The following CSMD1 variants were observed in gnomAD, a reference collection of about 807,000 sequenced individuals.
The protein encoded by CSMD1 is CUB and sushi domain-containing protein 1.
In CSMD1, 213 loss-of-function variants were observed where a neutral mutation model predicts 417.5. That is an observed-to-expected ratio of 0.51 (90% CI 0.46 to 0.57). The LOEUF (loss-of-function observed/expected upper bound fraction) is 0.57, where lower values mean the gene tolerates loss of function less well. CSMD1 is among the 20% of genes least tolerant of loss of function. CSMD1 has a pLI of 0.00. For missense variants in CSMD1, 6,923 were observed against 4,529.7 expected, an observed-to-expected ratio of 1.53 and a Z score of -15.17; for synonymous variants, 2,862 against 1,736.8, an observed-to-expected ratio of 1.65 and a Z score of -16.11.
chr8:4,371,912 G>T (rs1200726508), intron 3 of CSMD1, among the ~76,000 whole-genome samples: 2 of 152,190 alleles, frequency 1.3e-5, no homozygotes, highest in East Asian at 3.9e-4. Context: ...GGGAAGTGTG[G>T]ATTTCACAAG....
intron 2 of CSMD1, among the ~76,000 whole-genome samples, chr8:4,431,703 C>T (rs1338466769): frequency 6.6e-6 from 1 of 152,102 alleles, no homozygotes; most frequent in East Asian, 1.9e-4. Flanking sequence ...TAAATCCTGA[C>T]AGCAGAATTA....
intron 25 of CSMD1, among the ~76,000 whole-genome samples, chr8:3,303,977 T>C (rs975559141): frequency 2.6e-5 from 4 of 151,298 alleles, no homozygotes; most frequent in African/African-American, 9.7e-5. Flanking sequence ...GGGTATTCGA[T>C]TACCTCAAAC....
intron 3 of CSMD1, among the ~76,000 whole-genome samples, chr8:4,245,530 C>G (rs1368295867): frequency 1.3e-5 from 2 of 152,134 alleles, no homozygotes; most frequent in African/African-American, 2.4e-5. Context: ...CATGGTCTCT[C>G]CATGCTGGGA....
intron 5 of CSMD1, among the ~76,000 whole-genome samples, chr8:3,804,335 C>A (rs1248413355): frequency 3.9e-5 from 6 of 152,110 alleles, no homozygotes; most frequent in East Asian, 1.9e-4. Context: ...AACTCTAATG[C>A]GTCTTAAAAG....
chr8:4,675,913 G>C (rs1294960582), intron 1 of CSMD1, among the ~76,000 whole-genome samples: 2 of 152,138 alleles, frequency 1.3e-5, no homozygotes. Flanking sequence ...TAGAAAAAGA[G>C]AAAAATAAAC....
chr8:3,184,646 G>C (rs955999986), intron 36 of CSMD1, among the ~76,000 whole-genome samples: 1 of 152,152 alleles, frequency 6.6e-6, no homozygotes, highest in Non-Finnish European at 1.5e-5. Context: ...ATGGGCATAC[G>C]ACGTGTCTTT....
rs769736326 is a variant in CSMD1, at chr8:3,284,370, C to T, written c.3951-24G>A. On this transcript the variant is annotated intron_variant, in intron 25 of 69. Transcript: ENST00000635120. ...GGCTGCAAGAGAGAACACAGTAGCG[C>T]TACTTGCCGTGCATCGAGCATGTCC... 7 of 1,580,634 alleles carry T rather than the reference C, an allele frequency of 4.4e-6. No homozygotes were observed. The Admixed American group carries it at 8.4e-5, about 19-fold the overall frequency.
chr8:3,200,673 G>C (rs918059009), intron 32 of CSMD1, among the ~76,000 whole-genome samples: 1 of 151,952 alleles, frequency 6.6e-6, no homozygotes, highest in African/African-American at 2.4e-5. Context: ...ATTGGCATAA[G>C]GTTTTCAGAG....
intron 10 of CSMD1, among the ~76,000 whole-genome samples, chr8:3,563,167 G>C (rs1416546520): frequency 1.3e-5 from 2 of 151,952 alleles, no homozygotes; most frequent in Non-Finnish European, 2.9e-5. Context: ...ATTTGGCACT[G>C]TGTGACTACG....
chr8:4,136,677 G>C (rs1040408099), intron 3 of CSMD1, among the ~76,000 whole-genome samples: 2 of 152,160 alleles, frequency 1.3e-5, no homozygotes, highest in Non-Finnish European at 2.9e-5. Flanking sequence ...TCTCACAAGT[G>C]TGCTGTGAGT....
At chr8:3,258,088 C>G (rs573122019) in intron 26 of CSMD1, among the ~76,000 whole-genome samples, 1 of 151,880 alleles carries the variant, frequency 6.6e-6, no homozygotes, top group Non-Finnish European at 1.5e-5. Context: ...ATAGGTATGT[C>G]CAATAAGGTT....
intron 1 of CSMD1, among the ~76,000 whole-genome samples, chr8:4,739,519 CAAT>C (rs1810461492): frequency 6.6e-6 from 1 of 152,136 alleles, no homozygotes; most frequent in Non-Finnish European, 1.5e-5. Flanking sequence ...TGCTGTGACT[CAAT>C]GATAATAACT....
At chr8:4,818,797 T>A (rs926503334) in intron 1 of CSMD1, among the ~76,000 whole-genome samples, 2 of 152,232 alleles carry the variant, frequency 1.3e-5, no homozygotes, top group African/African-American at 4.8e-5. Flanking sequence ...AACAAAAGTA[T>A]TTTCATTTCA....
intron 5 of CSMD1, among the ~76,000 whole-genome samples, chr8:3,842,137 T>G (rs1200827836): frequency 6.6e-6 from 1 of 152,332 alleles, no homozygotes; most frequent in East Asian, 1.9e-4. Flanking sequence ...CGATCTCTTC[T>G]CCTTGTCAAA....
At chr8:4,319,563 T>C (rs951328145) in intron 3 of CSMD1, among the ~76,000 whole-genome samples, 1 of 152,098 alleles carries the variant, frequency 6.6e-6, no homozygotes, top group African/African-American at 2.4e-5. Flanking sequence ...GAAACATTAA[T>C]TGTTGGCTGT....
rs192388735 is a variant in CSMD1 at position 3,099,088 on chromosome 8, C to T, written c.6950-2051G>A. On this transcript the variant is annotated intron_variant, in intron 46 of 69. Transcript: ENST00000635120. ...AATGCCCTGCAACTCTTCTCCGTGC[C>T]GTTCACCCTTCCCCCAAGCCTCTTT... 5.2e-4 allele frequency among the ~76,000 whole-genome samples: 79 copies of T among 152,042 alleles called. 1 individual carries two copies. In the East Asian group the frequency reaches 8.5e-3, roughly 16 times the overall value.
At chr8:4,124,977 C>A (rs1004918856) in intron 3 of CSMD1, among the ~76,000 whole-genome samples, 1 of 152,224 alleles carries the variant, frequency 6.6e-6, no homozygotes, top group East Asian at 1.9e-4. Context: ...GTTTTACTGT[C>A]GCTTTTGCTT....
chr8:4,141,970 T>C lies in CSMD1; in HGVS notation c.416-109871A>G, dbSNP rs1803818340. Among the ~76,000 whole-genome samples, 4 of 151,196 alleles carry C rather than the reference T, an allele frequency of 2.6e-5. 2 individuals carry two copies. Among genetic ancestry groups the C allele is most frequent in the African/African-American group, 9.9e-5 (4 of 40,514 alleles). ...ATCATGGTGTTAATTTGTTTATAAA[T>C]TATGACATTAAATTTCTCTCAACTT... On this transcript the variant is annotated intron_variant, in intron 3 of 69. Transcript: ENST00000635120.
In CSMD1 at chr8:2,938,155, A is replaced by G. The variant is rs572151474; in HGVS notation, c.*430T>C. The G allele has an allele frequency of 2.6e-5, 4 of 156,230 alleles. No individual in the cohort carries two copies. The highest frequency in any genetic ancestry group is 5.6e-5 in the Non-Finnish European group (4 of 70,924). The allele number at this position is 156,230 out of a possible 1,614,324, so 9.7% of individuals were successfully genotyped here. A position where few individuals can be genotyped will look rare whatever the true frequency, so the allele number is the denominator to read the frequency against. On this transcript the variant is annotated 3_prime_UTR_variant, in exon 70 of 70. Transcript: ENST00000635120. ...TATTCGTGTTCATGGGGGTTTAAAA[A>G]GGAAAAACAACACAAGAGAACACAT...
Sources: gnomAD v4.1 joint callset for allele counts (sites outside exome capture counted in the v4.1 genomes callset) on GRCh38, gnomAD v4.1.1 for gene constraint, MANE v1.5 for transcripts, NCBI Gene and HGNC (gene_info 2026-07-23, HGNC 2026-07-21) for gene names.